The following ESR1 variants were observed in gnomAD, a reference collection of about 807,000 sequenced individuals.
ESR1 encodes the protein estrogen receptor 1.
A neutral mutation model predicts 52.7 loss-of-function variants in ESR1; 12 were observed. That is an observed-to-expected ratio of 0.23 (90% CI 0.15 to 0.37). ESR1 has a LOEUF of 0.37. Ranked by LOEUF, ESR1 falls within the 10% of genes least tolerant of loss-of-function variation. The pLI is 1.00. For synonymous variants in ESR1, 305 were observed against 316.8 expected (o/e 0.96, Z 0.39); for missense variants, 584 against 779.7 (o/e 0.75, Z 2.99).
intron 3 of ESR1, among the ~76,000 whole-genome samples, chr6:151,882,426 GA>G (rs1248991693): frequency 2.6e-5 from 4 of 152,186 alleles, no homozygotes; most frequent in Admixed American, 2.6e-4. Flanking sequence ...GCTACATTCA[GA>G]AAATGACACT....
intron 4 of ESR1, among the ~76,000 whole-genome samples, chr6:151,952,737 C>T (rs1039294957): frequency 6.6e-5 from 10 of 152,074 alleles, no homozygotes; most frequent in East Asian, 1.9e-4. Context: ...GGTTGAATTT[C>T]CTTTTTGAAA....
At chr6:152,008,968 A>C (rs746881965) in intron 4 of ESR1, among the ~76,000 whole-genome samples, 1 of 152,040 alleles carries the variant, frequency 6.6e-6, no homozygotes, top group Non-Finnish European at 1.5e-5. Flanking sequence ...GGCTTATCCT[A>C]TGAGATCGTG....
intron 2 of ESR1, among the ~76,000 whole-genome samples, chr6:151,847,839 T>G (rs11968025): frequency 0.46 from 68,435 of 148,658 alleles, 16,114 homozygotes; most frequent in African/African-American, 0.53. Context: ...GAATGGTAAT[T>G]CCTAGGTTTT....
At chr6:151,721,201 T>C (rs1191051808) in intron 2 of ESR1, among the ~76,000 whole-genome samples, 2 of 152,184 alleles carry the variant, frequency 1.3e-5, no homozygotes, top group East Asian at 3.9e-4. Context: ...GAAGGACTAA[T>C]GCAACATGTT....
In ESR1 at chr6:152,080,774, T is replaced by C. The variant is rs530648542; in HGVS notation, c.1370-13611T>C. ...CCCATCTCACGTGCAAAAATGCACA[T>C]AGGCTCAAAATAAAGGGTCGAAGGA... On this transcript the variant is annotated intron_variant, in intron 6 of 7. Transcript: ENST00000206249. 4.0e-5 allele frequency among the ~76,000 whole-genome samples: 6 copies of C among 151,868 alleles called. No homozygotes were observed. The East Asian group carries it at 9.7e-4, about 25-fold the overall frequency.
chr6:152,005,199 T>C (rs2042240584), intron 4 of ESR1, among the ~76,000 whole-genome samples: 1 of 152,002 alleles, frequency 6.6e-6, no homozygotes, highest in South Asian at 2.1e-4. Context: ...ATGCTAAACA[T>C]CTTGAAATGC....
intron 4 of ESR1, among the ~76,000 whole-genome samples, chr6:151,969,605 A>G (rs983166320): frequency 6.6e-5 from 10 of 152,292 alleles, no homozygotes; most frequent in South Asian, 6.2e-4. Context: ...TCTGAACAGG[A>G]GGCAACCTTG....
In ESR1 at chr6:151,755,810, T is replaced by A. The variant is rs1784240997; in HGVS notation, c.-70-52033T>A. Among the ~76,000 whole-genome samples, 2 of 152,086 alleles carry A rather than the reference T, an allele frequency of 1.3e-5. 1 individual carries two copies. The highest frequency in any genetic ancestry group is 4.1e-4 in the South Asian group (2 of 4,824). ...CATGCCCAGCTACTTTTTGTATTTT[T>A]AGTAGCGAAGGGGTTTCGCCATGTT... On this transcript the variant is annotated intron_variant, in intron 2 of 2. Transcript: ENST00000404742.
At chr6:152,105,377 C>A (rs967657888), downstream of ESR1, among the ~76,000 whole-genome samples, 10 of 151,922 alleles carry the variant, frequency 6.6e-5, no homozygotes, top group African/African-American at 9.7e-5. Context: ...CTTTTCCCCC[C>A]AAATTGTTAA....
At chr6:151,984,493 T>C (rs1162142033) in intron 4 of ESR1, among the ~76,000 whole-genome samples, 1 of 152,170 alleles carries the variant, frequency 6.6e-6, no homozygotes, top group Non-Finnish European at 1.5e-5. Context: ...GGCACTCGTA[T>C]GTACAAATGC....
chr6:151,672,497 C>A (rs1778100416), intron 1 of ESR1, among the ~76,000 whole-genome samples: 1 of 152,182 alleles, frequency 6.6e-6, no homozygotes, highest in Non-Finnish European at 1.5e-5. Flanking sequence ...CCACCGTGCC[C>A]AGCTAATTTT....
At chr6:151,710,879 C>G (rs556034728) in intron 2 of ESR1, among the ~76,000 whole-genome samples, 1 of 152,274 alleles carries the variant, frequency 6.6e-6, no homozygotes, top group African/African-American at 2.4e-5. Context: ...AGGACATGAA[C>G]TCATCCTTTT....
intron 3 of ESR1, among the ~76,000 whole-genome samples, chr6:151,894,638 T>G (rs1297445255): frequency 6.6e-6 from 1 of 152,184 alleles, no homozygotes; most frequent in South Asian, 2.1e-4. Flanking sequence ...ATTTGTTGAA[T>G]AGGGTGTCCT....
intron 2 of ESR1, among the ~76,000 whole-genome samples, chr6:151,756,582 C>T (rs1784303692): frequency 6.6e-6 from 1 of 152,194 alleles, no homozygotes; most frequent in African/African-American, 2.4e-5. Context: ...TGAGGGTAGA[C>T]TTCTTTGTTT....
At chr6:152,079,535 A>C (rs1292546833) in intron 6 of ESR1, among the ~76,000 whole-genome samples, 1 of 152,248 alleles carries the variant, frequency 6.6e-6, no homozygotes, top group Non-Finnish European at 1.5e-5. Flanking sequence ...GATGGGGAGA[A>C]ACCAGAGCAG....
At chr6:151,825,910 CAAAAAAAAAAA>C (rs3996305) in intron 1 of ESR1, among the ~76,000 whole-genome samples, 2 of 78,124 alleles carry the variant, frequency 2.6e-5, no homozygotes, top group Admixed American at 1.3e-4. Flanking sequence ...GACTCCATCT[CAAAAAAAAAAA>C]AAAAAAAAAA....
intron 1 of ESR1, among the ~76,000 whole-genome samples, chr6:151,819,454 C>T (rs749121984): frequency 2.0e-5 from 3 of 152,168 alleles, no homozygotes; most frequent in African/African-American, 7.2e-5. Context: ...TGCTCCCCAT[C>T]GCTTGCATTA....
intron 2 of ESR1, among the ~76,000 whole-genome samples, chr6:151,735,886 G>GGT (rs768122448): frequency 4.2e-4 from 64 of 152,102 alleles, no homozygotes; most frequent in Non-Finnish European, 8.8e-4. Context: ...TGTCATAATA[G>GGT]TGAGTGAGTT....
At chr6:151,908,090 CT>C (rs1797718428) in intron 3 of ESR1, among the ~76,000 whole-genome samples, 1 of 152,074 alleles carries the variant, frequency 6.6e-6, no homozygotes, top group African/African-American at 2.4e-5. Flanking sequence ...TTATTTCCTT[CT>C]TTTTTTCTTC....
Sources: allele counts gnomAD v4.1 joint callset (sites outside exome capture counted in the v4.1 genomes callset), GRCh38; gene constraint gnomAD v4.1.1; transcripts MANE v1.5; gene names NCBI Gene and HGNC (gene_info 2026-07-23, HGNC 2026-07-21).